CEP85L: variants seen among roughly 807,000 people sequenced by gnomAD.
CEP85L encodes centrosomal protein of 85 kDa-like.
Under a neutral mutation model 100.3 loss-of-function variants are expected in CEP85L, and 60 were observed. That is an observed-to-expected ratio of 0.60 (90% CI 0.49 to 0.74). The LOEUF is 0.74. Ranked by LOEUF, CEP85L falls within the 30% of genes least tolerant of loss-of-function variation. The probability of loss-of-function intolerance (pLI) is 0.00; values close to 1 mark genes in which losing one functional copy is unlikely to be tolerated. For missense variants in CEP85L, 973 were observed against 936.2 expected, an observed-to-expected ratio of 1.04 and a Z score of -0.51; for synonymous variants, 319 against 322.7, an observed-to-expected ratio of 0.99 and a Z score of 0.12.
chr6:118,512,339 G>A (rs1009167285), intron 4 of CEP85L, among the ~76,000 whole-genome samples: 3 of 152,008 alleles, frequency 2.0e-5, no homozygotes, highest in Admixed American at 6.6e-5. Context: ...GGAAGCTACC[G>A]ACGGTGTGTG....
chr6:118,679,586 A>ACTGGGACAC (rs1384784454), intron 1 of CEP85L, among the ~76,000 whole-genome samples: 107 of 152,334 alleles, frequency 7.0e-4, no homozygotes, highest in Non-Finnish European at 1.8e-4. Context: ...GTCCCAGTCT[A>ACTGGGACAC]CTTATGCAAT....
At chr6:118,689,945 G>C (rs572580741) in intron 1 of CEP85L, among the ~76,000 whole-genome samples, 118 of 146,898 alleles carry the variant, frequency 8.0e-4, no homozygotes, top group African/African-American at 2.7e-3. Flanking sequence ...ATAGGGCTAG[G>C]GTCCCACTAT....
intron 1 of CEP85L, among the ~76,000 whole-genome samples, chr6:118,691,007 AAAAGAAAGAAGG>A (rs772184445): frequency 6.6e-6 from 1 of 152,004 alleles, no homozygotes; most frequent in Non-Finnish European, 1.5e-5. Flanking sequence ...AGGAAAAAAA[AAAAGAAAGAAGG>A]AAAGAAAGAA....
intron 2 of CEP85L, among the ~76,000 whole-genome samples, chr6:118,574,787 T>C (rs1039573287): frequency 4.6e-5 from 7 of 152,116 alleles, no homozygotes; most frequent in South Asian, 2.1e-4. Flanking sequence ...AGGTTGAAAG[T>C]GTGTGAATGA....
At chr6:118,512,815 T>C (rs1199504510) in intron 4 of CEP85L, among the ~76,000 whole-genome samples, 4 of 151,926 alleles carry the variant, frequency 2.6e-5, no homozygotes, top group African/African-American at 7.3e-5. Context: ...AAAAATGTAA[T>C]ATCAAAAACA....
In CEP85L at chr6:118,612,676, CGGGGGG is replaced by C. The variant is rs55782430; in HGVS notation, c.232+19771_232+19776del. ...ACTCTGTCTCAAAAAAAAAAAAAAG[CGGGGGG>C]GGGGGGGGGGGACTCTCAAATCAGT... On this transcript the variant is annotated intron_variant, in intron 2 of 12. Transcript: ENST00000368491. 3.3e-3 allele frequency among the ~76,000 whole-genome samples: 257 copies of C among 77,444 alleles called. 11 individuals carry two copies. The highest frequency in any genetic ancestry group is 3.8e-3 in the Admixed American group (19 of 5,034). The allele number at this position is 77,444 out of a possible 152,430, so 50.8% of individuals were successfully genotyped here.
chr6:118,698,373 T>C (rs552249306), intron 1 of CEP85L, among the ~76,000 whole-genome samples: 31 of 152,356 alleles, frequency 2.0e-4, no homozygotes, highest in African/African-American at 7.0e-4. Flanking sequence ...GTCATCAGAA[T>C]GTTATCTTCA....
Position 118,481,865 on chromosome 6 carries a change from T to C in CEP85L, c.1659A>G (p.Glu553=), listed in dbSNP as rs1309522018. The change falls in exon 8 of 13, where the codon GAA becomes GAG. Residue 553 remains glutamate (E), a synonymous_variant. Transcript: ENST00000368491. Reference sequence around the variant, plus strand: ...TATCTTGACACTGCTTTTTGATCTCTTCAAGTTTTTTTTCTGTATCTATCA... The same window carrying C: ...TATCTTGACACTGCTTTTTGATCTCCTCAAGTTTTTTTTCTGTATCTATCA... ...EALIDTEKKL[E]EIKKQCQDKE... is the part of the protein sequence containing the mutation. 1 of 1,593,402 alleles carries C rather than the reference T, an allele frequency of 6.3e-7. No homozygotes were observed. The highest frequency in any genetic ancestry group is 8.6e-7 in the Non-Finnish European group (1 of 1,167,924).
chr6:118,586,865 C>G (rs1780892746), intron 2 of CEP85L, among the ~76,000 whole-genome samples: 1 of 152,206 alleles, frequency 6.6e-6, no homozygotes, highest in Non-Finnish European at 1.5e-5. Context: ...TGCAGTAGAA[C>G]TATATACTGT....
At chr6:118,645,898 A>G (rs1166284324) in intron 1 of CEP85L, among the ~76,000 whole-genome samples, 1 of 152,214 alleles carries the variant, frequency 6.6e-6, no homozygotes, top group African/African-American at 2.4e-5. Flanking sequence ...TTAATTAAAG[A>G]AAAACAGAAA....
intron 1 of CEP85L, among the ~76,000 whole-genome samples, chr6:118,650,834 G>A (rs1775504745): frequency 6.6e-6 from 1 of 152,158 alleles, no homozygotes; most frequent in African/African-American, 2.4e-5. Context: ...GGGTCCCCGC[G>A]AGCAAACGGG....
At chr6:118,578,006 C>T (rs534597444) in intron 2 of CEP85L, among the ~76,000 whole-genome samples, 1 of 152,228 alleles carries the variant, frequency 6.6e-6, no homozygotes, top group Non-Finnish European at 1.5e-5. Flanking sequence ...CCTAAATGAC[C>T]AAGAGGAACA....
At chr6:118,681,455 G>T (rs1776655764) in intron 1 of CEP85L, among the ~76,000 whole-genome samples, 2 of 152,096 alleles carry the variant, frequency 1.3e-5, no homozygotes. Context: ...CTCATATTCA[G>T]ACGATTTTTT....
chr6:118,571,282 A>T (rs1779871659), intron 2 of CEP85L, among the ~76,000 whole-genome samples: 2 of 152,234 alleles, frequency 1.3e-5, no homozygotes, highest in African/African-American at 4.8e-5. Flanking sequence ...TATCTATCCC[A>T]CATCTAAGTC....
At chr6:118,524,772 C>T (rs975625156) in intron 3 of CEP85L, among the ~76,000 whole-genome samples, 4 of 152,238 alleles carry the variant, frequency 2.6e-5, no homozygotes, top group African/African-American at 9.6e-5. Context: ...CTCTGACCCA[C>T]TCCACAAGTG....
chr6:118,480,857 G>C (rs1201448261), intron 8 of CEP85L, among the ~76,000 whole-genome samples: 1 of 151,950 alleles, frequency 6.6e-6, no homozygotes, highest in African/African-American at 2.4e-5. Flanking sequence ...CTAAAAGCAG[G>C]GTTCCTTGAT....
In CEP85L at chr6:118,600,300, G is replaced by GGGTGTGTGTGTGTGTGTGTGTGT. The variant is rs1562297733; in HGVS notation, c.232+32152_232+32153insACACACACACACACACACACACC. Among the ~76,000 whole-genome samples, 10 of 52,236 alleles carry GGGTGTGTGTGTGTGTGTGTGTGT rather than the reference G, an allele frequency of 1.9e-4. 3 individuals are homozygous for GGGTGTGTGTGTGTGTGTGTGTGT. The highest frequency in any genetic ancestry group is 2.4e-4 in the Non-Finnish European group (6 of 24,784). The allele number at this position is 52,236 out of a possible 152,430, so 34.3% of individuals were successfully genotyped here. A position where few individuals can be genotyped will look rare whatever the true frequency, so the allele number is the denominator to read the frequency against. On this transcript the variant is annotated intron_variant, in intron 2 of 12. Transcript: ENST00000368491. Reference sequence around the variant, plus strand: ...CTGCCTGTCCCTGAGCCTTCCTGGGGGTGTGTGTGTGTGTGTGTGTGTGTG... The same window carrying GGGTGTGTGTGTGTGTGTGTGTGT: ...CTGCCTGTCCCTGAGCCTTCCTGGGGGGTGTGTGTGTGTGTGTGTGTGTGTGTGTGTGTGTGTGTGTGTGTGTG...
intron 1 of CEP85L, among the ~76,000 whole-genome samples, chr6:118,687,699 A>C (rs1776881322): frequency 6.6e-6 from 1 of 152,108 alleles, no homozygotes; most frequent in South Asian, 2.1e-4. Context: ...TAAATCTTGC[A>C]ACTGCACTCT....
intron 3 of CEP85L, among the ~76,000 whole-genome samples, chr6:118,555,352 C>T (rs930799091): frequency 2.6e-4 from 39 of 147,660 alleles, no homozygotes; most frequent in African/African-American, 8.5e-4. Flanking sequence ...GGCGTGAACC[C>T]GGGAGGTGGA....
Sources: allele counts gnomAD v4.1 joint callset (sites outside exome capture counted in the v4.1 genomes callset), GRCh38; gene constraint gnomAD v4.1.1; transcripts MANE v1.5; gene names NCBI Gene and HGNC (gene_info 2026-07-23, HGNC 2026-07-21).